The following NSMCE2 variants were observed in gnomAD, a reference collection of about 807,000 sequenced individuals.
NSMCE2 encodes the protein E3 SUMO-protein ligase NSE2.
A neutral mutation model predicts 23.8 loss-of-function variants in NSMCE2; 24 were observed. The ratio of observed to expected loss-of-function variants is 1.01; its 90% CI spans 0.73 to 1.42. The LOEUF (loss-of-function observed/expected upper bound fraction) is 1.42, where lower values mean the gene tolerates loss of function less well. Ranked by LOEUF, NSMCE2 falls within the 40% of genes most tolerant of loss-of-function variation. The probability of loss-of-function intolerance (pLI) is 0.00; values close to 1 mark genes in which losing one functional copy is unlikely to be tolerated. For synonymous variants in NSMCE2, 92 were observed against 94.1 expected (o/e 0.98, Z 0.13); for missense variants, 284 against 296.5 (o/e 0.96, Z 0.31).
At chr8:125,286,605 G>T (rs1465286113) in intron 5 of NSMCE2, among the ~76,000 whole-genome samples, 1 of 151,936 alleles carries the variant, frequency 6.6e-6, no homozygotes, top group Non-Finnish European at 1.5e-5. Context: ...GAGCCACTGC[G>T]CCCGGCCCAA....
intron 5 of NSMCE2, among the ~76,000 whole-genome samples, chr8:125,294,879 G>A (rs187924238): frequency 1.3e-5 from 2 of 152,316 alleles, no homozygotes; most frequent in Admixed American, 6.5e-5. Context: ...TAAATCCACA[G>A]TGTGATGTCA....
At chr8:125,352,924 T>C (rs192989646) in intron 5 of NSMCE2, among the ~76,000 whole-genome samples, 38 of 152,308 alleles carry the variant, frequency 2.5e-4, no homozygotes, top group African/African-American at 9.1e-4. Flanking sequence ...AGTCTTTCTC[T>C]TTTTAGACTC....
chr8:125,332,906 A>G (rs1307700537), intron 5 of NSMCE2, among the ~76,000 whole-genome samples: 1 of 152,214 alleles, frequency 6.6e-6, no homozygotes, highest in African/African-American at 2.4e-5. Context: ...CTACCCTGCA[A>G]TGTGCTTGGA....
At chr8:125,127,497 T>C (rs1443411143) in intron 3 of NSMCE2, among the ~76,000 whole-genome samples, 1 of 152,208 alleles carries the variant, frequency 6.6e-6, no homozygotes, top group Non-Finnish European at 1.5e-5. Context: ...TCCTGTGGGA[T>C]AGACTAAAAT....
At chr8:125,292,222 A>G (rs763577458) in intron 5 of NSMCE2, among the ~76,000 whole-genome samples, 8 of 142,780 alleles carry the variant, frequency 5.6e-5, no homozygotes, top group Non-Finnish European at 1.3e-4. Context: ...TATGGGAGGA[A>G]AAAAAAAAAA....
At chr8:125,115,442 T>G (rs1818958737) in intron 3 of NSMCE2, among the ~76,000 whole-genome samples, 1 of 152,242 alleles carries the variant, frequency 6.6e-6, no homozygotes, top group African/African-American at 2.4e-5. Flanking sequence ...TGGAAATATG[T>G]GAAAGATGTT....
At chr8:125,277,570 G>A (rs1161205755) in intron 5 of NSMCE2, among the ~76,000 whole-genome samples, 3 of 151,428 alleles carry the variant, frequency 2.0e-5, no homozygotes, top group African/African-American at 4.9e-5. Context: ...GCAGTGGCGC[G>A]ATCTCAGCTC....
At chr8:125,199,020 G>A (rs1823751044) in intron 5 of NSMCE2, among the ~76,000 whole-genome samples, 1 of 152,128 alleles carries the variant, frequency 6.6e-6, no homozygotes, top group African/African-American at 2.4e-5. Flanking sequence ...ATTTCTGTGG[G>A]ATTGGTGGTG....
chr8:125,183,634 G>GGTGTGTGTGTGTGT (rs59285361), intron 5 of NSMCE2, among the ~76,000 whole-genome samples: 93 of 147,588 alleles, frequency 6.3e-4, no homozygotes, highest in African/African-American at 2.3e-3. Flanking sequence ...ATTACTCAGT[G>GGTGTGTGTGTGTGT]GTGTGTGTGT....
intron 5 of NSMCE2, among the ~76,000 whole-genome samples, chr8:125,273,057 T>C (rs1827293315): frequency 1.3e-5 from 2 of 152,172 alleles, no homozygotes; most frequent in African/African-American, 4.8e-5. Context: ...TCATAGAACC[T>C]GACAGTTACT....
At position 125,274,929 on chromosome 8, in the gene NSMCE2, C is replaced by CAA. The variant is rs36192929; in HGVS notation, c.419-82274_419-82273dup. On this transcript the variant is annotated intron_variant, in intron 5 of 7. Coordinates refer to ENST00000287437, the MANE Select transcript of NSMCE2 (RefSeq NM_173685.4). ...TGGGCTTCAGAGGGAGACTCAGTCTCAAAAAAAAAAAAAAAAAGAACCTAT... is the reference window on the plus strand; with the variant it reads ...TGGGCTTCAGAGGGAGACTCAGTCTCAAAAAAAAAAAAAAAAAAAGAACCTAT... Among the ~76,000 whole-genome samples, 472 of 59,830 alleles carry CAA rather than the reference C, an allele frequency of 7.9e-3. 8 individuals are homozygous for CAA. The highest frequency in any genetic ancestry group is 0.023 in the African/African-American group (441 of 19,086). The allele number at this position is 59,830 out of a possible 152,430, so 39.3% of individuals were successfully genotyped here. A position where few individuals can be genotyped will look rare whatever the true frequency, so the allele number is the denominator to read the frequency against.
chr8:125,139,427 T>C (rs1455579223), intron 3 of NSMCE2, among the ~76,000 whole-genome samples: 1 of 152,206 alleles, frequency 6.6e-6, no homozygotes, highest in African/African-American at 2.4e-5. Context: ...GTTCTCACAC[T>C]GCTAATAAAG....
intron 5 of NSMCE2, among the ~76,000 whole-genome samples, chr8:125,284,196 G>T (rs1323975494): frequency 1.8e-5 from 1 of 54,844 alleles, no homozygotes; most frequent in Admixed American, 2.1e-4. Context: ...CATTTAGAGA[G>T]TAAAAAAAAA....
intron 5 of NSMCE2, among the ~76,000 whole-genome samples, chr8:125,266,144 G>C (rs962785824): frequency 6.7e-6 from 1 of 148,634 alleles, no homozygotes; most frequent in Admixed American, 6.8e-5. Flanking sequence ...CCAGGCTGGA[G>C]TGCAATGCGC....
In NSMCE2 at chr8:125,114,631, C is replaced by G. The variant is rs183326513; in HGVS notation, c.157+12144C>G. ...TCGGGGATGCGGGGAGCATGTGTGC[C>G]CTGGCCTCTAGGTGTTCAGATGCTG... On this transcript the variant is annotated intron_variant, in intron 3 of 7. Coordinates refer to ENST00000287437, the MANE Select transcript of NSMCE2 (RefSeq NM_173685.4). Among the ~76,000 whole-genome samples, 175 of 152,228 alleles carry G rather than the reference C, an allele frequency of 1.1e-3. 3 individuals are homozygous for G. Among genetic ancestry groups the G allele is most frequent in the Admixed American group, 0.011 (172 of 15,282 alleles).
chr8:125,137,360 C>G (rs1820123681), intron 3 of NSMCE2, among the ~76,000 whole-genome samples: 1 of 152,128 alleles, frequency 6.6e-6, no homozygotes, highest in Non-Finnish European at 1.5e-5. Flanking sequence ...TTTAATTAAA[C>G]TGTTCCTTCA....
intron 5 of NSMCE2, among the ~76,000 whole-genome samples, chr8:125,185,153 A>G (rs1207575390): frequency 6.6e-6 from 1 of 152,202 alleles, no homozygotes; most frequent in Non-Finnish European, 1.5e-5. Flanking sequence ...GCCAAGATAC[A>G]GCTTGCAATG....
chr8:125,324,518 C>CAAAAAA (rs71295841), intron 5 of NSMCE2, among the ~76,000 whole-genome samples: 1 of 49,030 alleles, frequency 2.0e-5, no homozygotes, highest in Non-Finnish European at 3.5e-5. Context: ...GGTGCCAGAC[C>CAAAAAA]AAAAAAAAAA....
intron 5 of NSMCE2, among the ~76,000 whole-genome samples, chr8:125,243,539 A>C (rs1825839663): frequency 6.6e-6 from 1 of 152,146 alleles, no homozygotes; most frequent in South Asian, 2.1e-4. Context: ...GTGTATTGTC[A>C]TTGAAAATTG....
Sources: gnomAD v4.1 joint callset for allele counts (sites outside exome capture counted in the v4.1 genomes callset) on GRCh38, gnomAD v4.1.1 for gene constraint, MANE v1.5 for transcripts, NCBI Gene and HGNC (gene_info 2026-07-23, HGNC 2026-07-21) for gene names.